CRISP2: variants seen among roughly 807,000 people sequenced by gnomAD.
CRISP2 encodes cysteine-rich secretory protein 2.
Under a neutral mutation model 31.7 loss-of-function variants are expected in CRISP2, and 29 were observed. The ratio of observed to expected loss-of-function variants is 0.92; its 90% CI spans 0.68 to 1.25. CRISP2 has a LOEUF of 1.25. Ranked by LOEUF, CRISP2 falls within the 50% of genes most tolerant of loss-of-function variation. CRISP2 has a pLI of 0.00. For synonymous variants in CRISP2, 111 were observed against 101.4 expected (o/e 1.09, Z -0.57); for missense variants, 318 against 286.5 (o/e 1.11, Z -0.79).
chr6:49,687,078 G>A, the CRISP2 span, among the ~76,000 whole-genome samples: 1 of 151,998 alleles, frequency 6.6e-6, no homozygotes, highest in East Asian at 1.9e-4. Context: ...GGGAGGGAGA[G>A]TGTTAGGAGA....
chr6:49,700,530 C>T, intron 5 of CRISP2, 138 bp downstream of exon 5: 1 of 669,254 alleles, frequency 1.5e-6, no homozygotes, highest in Non-Finnish European at 2.7e-6. Flanking sequence ...CAATCCTCTC[C>T]ATATAATGGT....
intron 3 of CRISP2, among the ~76,000 whole-genome samples, chr6:49,709,461 A>T (rs1294159623): frequency 5.3e-5 from 8 of 152,218 alleles, no homozygotes; most frequent in African/African-American, 1.9e-4. Flanking sequence ...TAAAAGAGAG[A>T]GACCTACTCC....
At chr6:49,693,650 C>CT (rs1261693787) in intron 9 of CRISP2, among the ~76,000 whole-genome samples, 12 of 152,258 alleles carry the variant, frequency 7.9e-5, no homozygotes, top group Admixed American at 7.2e-4. Context: ...AAAGTTCATT[C>CT]TTTTTCCTTC....
intron 7 of CRISP2, 46 bp downstream of exon 7, chr6:49,698,316 C>T (rs1765119318): frequency 1.2e-6 from 2 of 1,601,190 alleles, no homozygotes; most frequent in Admixed American, 1.7e-5. Flanking sequence ...AAGCTTTCCT[C>T]TATTAGAACA....
chr6:49,697,302 CAG>C (rs1561866086), intron 8 of CRISP2, among the ~76,000 whole-genome samples: 1 of 152,048 alleles, frequency 6.6e-6, no homozygotes, highest in Non-Finnish European at 1.5e-5. Context: ...TTCTGAGAAT[CAG>C]AGACTTAAGA....
chr6:49,678,474 G>A, the CRISP2 span, among the ~76,000 whole-genome samples: 11 of 151,986 alleles, frequency 7.2e-5, no homozygotes, highest in African/African-American at 2.7e-4. Flanking sequence ...TTTCCCAGAC[G>A]AATCTGTACA....
the CRISP2 span, among the ~76,000 whole-genome samples, chr6:49,686,111 A>C: frequency 2.6e-5 from 4 of 152,204 alleles, no homozygotes; most frequent in Admixed American, 6.5e-5. Flanking sequence ...TTAATACAAA[A>C]AGTAGAATAC....
chr6:49,694,314 C>G (rs1336538993), intron 9 of CRISP2, among the ~76,000 whole-genome samples: 1 of 152,174 alleles, frequency 6.6e-6, no homozygotes, highest in Non-Finnish European at 1.5e-5. Context: ...TTATGACTTT[C>G]CAGCTACTAC....
intron 3 of CRISP2, among the ~76,000 whole-genome samples, chr6:49,709,534 T>TA (rs1767644418): frequency 6.6e-6 from 1 of 152,230 alleles, no homozygotes; most frequent in African/African-American, 2.4e-5. Context: ...CCTTAATAGT[T>TA]AATTATAGTA....
chr6:49,682,048 C>T, the CRISP2 span, among the ~76,000 whole-genome samples: 1 of 152,084 alleles, frequency 6.6e-6, no homozygotes, highest in African/African-American at 2.4e-5. Flanking sequence ...TTTAAAGATC[C>T]ATCTCCGTGA....
At position 49,697,873 on chromosome 6, in the gene CRISP2, G is replaced by T. The variant is rs545512799; in HGVS notation, c.502C>A (p.Gln168Lys). The change falls in exon 8 of 10, where the codon CAA becomes AAA. Residue 168 changes from glutamine (Q) to lysine (K), a missense_variant. Coordinates refer to ENST00000339139, the MANE Select transcript of CRISP2 (RefSeq NM_003296.4). ...CAGTCTACTTACGCAGGACAATATT[G>T]GCAAACATAGTAGTATTTTAGACTA... ...QDSLKYYYVC[Q>K]YCPAGNNMNR... The T allele has an allele frequency of 6.2e-7, 1 of 1,611,436 alleles. No homozygotes were observed. Among genetic ancestry groups the T allele is most frequent in the Non-Finnish European group, 8.5e-7 (1 of 1,178,462 alleles).
Position 49,699,847 on chromosome 6 carries a change from G to A in CRISP2, c.228C>T (p.Asn76=). The A allele has an allele frequency of 6.2e-7, 1 of 1,612,682 alleles. No homozygotes were observed. The highest frequency in any genetic ancestry group is 2.2e-5 in the East Asian group (1 of 44,776). ...EVTTNAQRWA[N]KCTLQHSDPE... is the part of the protein sequence containing the mutation. ...GATCACTATGTTGTAAAGTGCACTTGTTTGCCCACCTTTGGGCATTCGTTG... is the reference window on the plus strand; with the variant it reads ...GATCACTATGTTGTAAAGTGCACTTATTTGCCCACCTTTGGGCATTCGTTG... The change falls in exon 6 of 10, where the codon AAC becomes AAT. Residue 76 remains asparagine, a synonymous_variant. Transcript: ENST00000339139.
intron 4 of CRISP2, among the ~76,000 whole-genome samples, chr6:49,703,068 A>G (rs185795619): frequency 2.6e-5 from 4 of 152,218 alleles, no homozygotes; most frequent in Admixed American, 1.3e-4. Context: ...CATTTGTTGA[A>G]TAAGGTGTCC....
intron 9 of CRISP2, among the ~76,000 whole-genome samples, chr6:49,695,062 G>A (rs1412767397): frequency 3.3e-5 from 5 of 152,022 alleles, no homozygotes; most frequent in Admixed American, 3.3e-4. Flanking sequence ...GCTTAGTAAA[G>A]GTGAATGCAT....
chr6:49,691,171 C>A (rs1049838149), downstream of CRISP2, among the ~76,000 whole-genome samples: 1 of 152,136 alleles, frequency 6.6e-6, no homozygotes, highest in East Asian at 1.9e-4. Flanking sequence ...ACCCCAATAA[C>A]GGAGTGCTTC....
chr6:49,694,718 A>G (rs533296160), intron 9 of CRISP2, among the ~76,000 whole-genome samples: 3 of 150,210 alleles, frequency 2.0e-5, no homozygotes, highest in South Asian at 4.2e-4. Flanking sequence ...AGCAAAATGT[A>G]TAAGTATTCA....
chr6:49,693,205 T>C (rs923402995), intron 9 of CRISP2, among the ~76,000 whole-genome samples: 1 of 152,102 alleles, frequency 6.6e-6, no homozygotes, highest in African/African-American at 2.4e-5. Context: ...GACCTATTTT[T>C]CCCCCTCAGC....
At chr6:49,680,724 G>A in the CRISP2 span, among the ~76,000 whole-genome samples, 3 of 152,106 alleles carry the variant, frequency 2.0e-5, no homozygotes, top group African/African-American at 7.2e-5. Context: ...TCTCATTGTG[G>A]TTTTGATTTG....
chr6:49,701,498 GTGTATATA>G (rs1327223614), intron 4 of CRISP2, among the ~76,000 whole-genome samples: 1,251 of 62,046 alleles, frequency 0.02, 51 homozygotes, highest in Non-Finnish European at 0.026. Context: ...GTGTGTGTGT[GTGTATATA>G]TATATATATA....
Sources: allele counts gnomAD v4.1 joint callset (sites outside exome capture counted in the v4.1 genomes callset), GRCh38; gene constraint gnomAD v4.1.1; transcripts MANE v1.5; gene names NCBI Gene and HGNC (gene_info 2026-07-23, HGNC 2026-07-21).